FAM222A: variants seen among roughly 807,000 people sequenced by gnomAD.
FAM222A encodes the protein family with sequence similarity 222 member A.
In FAM222A, 7 loss-of-function variants were observed where a neutral mutation model predicts 25.8. The observed-to-expected ratio is 0.27, with a 90% confidence interval of 0.15 to 0.51. The LOEUF (loss-of-function observed/expected upper bound fraction) is 0.51. Among genes scored for constraint, FAM222A ranks in the 20% least tolerant of loss-of-function variants. FAM222A has a pLI of 0.97. For missense variants in FAM222A, 573 were observed against 640.5 expected (o/e 0.89, Z 1.14); for synonymous variants, 294 against 298.8 (o/e 0.98, Z 0.17).
intron 2 of FAM222A, among the ~76,000 whole-genome samples, chr12:109,747,178 C>T (rs1206224852): frequency 6.6e-6 from 1 of 152,218 alleles, no homozygotes; most frequent in African/African-American, 2.4e-5. Flanking sequence ...ACTGAAGCCT[C>T]CGCCTCCCAG....
At position 109,744,751 on chromosome 12, in the gene FAM222A, G is replaced by A. The variant is rs1355487368; in HGVS notation, c.82+523G>A. 3.0e-6 allele frequency: 3 copies of A among 985,292 alleles called. No homozygotes were observed. The South Asian group carries it at 1.4e-4, about 46-fold the overall frequency. 61.0% of individuals were successfully genotyped at this position (985,292 alleles called of 1,614,324 possible). A position where few individuals can be genotyped will look rare whatever the true frequency, so the allele number is the denominator to read the frequency against. ...AAACGCTCTGATTTGGTTATTTTTAGCTATCATAATTTCTTTTTTAATGAA... is the reference window on the plus strand; with the variant it reads ...AAACGCTCTGATTTGGTTATTTTTAACTATCATAATTTCTTTTTTAATGAA... On this transcript the variant is annotated intron_variant, in intron 2 of 2. Coordinates refer to ENST00000538780, the MANE Select transcript of FAM222A (RefSeq NM_032829.3).
At chr12:109,748,456 T>C (rs141091926) in intron 2 of FAM222A, among the ~76,000 whole-genome samples, 79 of 152,028 alleles carry the variant, frequency 5.2e-4, no homozygotes, top group African/African-American at 1.8e-3. Flanking sequence ...CATGGAATTA[T>C]CTGTTCTTAA....
intron 1 of FAM222A, among the ~76,000 whole-genome samples, chr12:109,726,646 A>G (rs528876676): frequency 4.6e-5 from 7 of 152,342 alleles, no homozygotes; most frequent in Admixed American, 4.6e-4. Context: ...AGGGGGGCTC[A>G]GGCCTGGCTT....
chr12:109,732,374 T>C (rs568384044), intron 1 of FAM222A, among the ~76,000 whole-genome samples: 3 of 152,374 alleles, frequency 2.0e-5, no homozygotes, highest in East Asian at 3.9e-4. Context: ...GCCCAGGTGC[T>C]GTGCATTTGG....
intron 1 of FAM222A, among the ~76,000 whole-genome samples, chr12:109,729,573 GA>G (rs1291738608): frequency 1.3e-5 from 2 of 151,996 alleles, no homozygotes; most frequent in Non-Finnish European, 1.5e-5. Context: ...TCCTGCAAGG[GA>G]AAAAAAACAC....
At chr12:109,765,741 T>A (rs1889030908) in intron 2 of FAM222A, among the ~76,000 whole-genome samples, 1 of 152,192 alleles carries the variant, frequency 6.6e-6, no homozygotes, top group Non-Finnish European at 1.5e-5. Context: ...AGCCTTCTGA[T>A]CAGTGGGGAG....
chr12:109,750,753 A>G (rs142877609), intron 2 of FAM222A, among the ~76,000 whole-genome samples: 5 of 150,534 alleles, frequency 3.3e-5, no homozygotes, highest in African/African-American at 7.3e-5. Flanking sequence ...CGGTCTCTCT[A>G]TTGCCTTTCT....
chr12:109,744,182 GGGCCAACACCT>G lies in FAM222A; in HGVS notation c.41_51del (p.Gln14LeufsTer66). ...GTCTGCAGAGGACCCAGAACGCCCCGGGCCAACACCTGGCCTGCCCGAGCAAGAGCCTGGAG... is the reference window on the plus strand; with the variant it reads ...GTCTGCAGAGGACCCAGAACGCCCCGGGCCTGCCCGAGCAAGAGCCTGGAG... On this transcript the variant is annotated frameshift_variant, in exon 2 of 3. Transcript: ENST00000538780. LOFTEE classifies it high-confidence loss of function. 6.2e-7 allele frequency: 1 copy of G among 1,613,424 alleles called. No homozygotes were observed. The highest frequency in any genetic ancestry group is 8.5e-7 in the Non-Finnish European group (1 of 1,179,990).
chr12:109,718,357 G>T (rs1298341561), intron 1 of FAM222A, among the ~76,000 whole-genome samples: 1 of 150,050 alleles, frequency 6.7e-6, no homozygotes, highest in Non-Finnish European at 1.5e-5. Flanking sequence ...TTCTGCGGGG[G>T]CTGGGACTTG....
At chr12:109,727,905 G>C (rs770514445) in intron 1 of FAM222A, among the ~76,000 whole-genome samples, 4 of 152,170 alleles carry the variant, frequency 2.6e-5, no homozygotes, top group Non-Finnish European at 5.9e-5. Flanking sequence ...TCCCTCAATC[G>C]TGGCGGGACT....
chr12:109,753,564 G>T (rs868339396), intron 2 of FAM222A, among the ~76,000 whole-genome samples: 31 of 152,208 alleles, frequency 2.0e-4, no homozygotes, highest in East Asian at 7.7e-4. Context: ...CATCCCGGGG[G>T]GGGGAGCCTC....
Position 109,721,732 on chromosome 12 carries a change from C to G in FAM222A, c.-47+6835C>G, listed in dbSNP as rs960957462. Among the ~76,000 whole-genome samples the G allele has an allele frequency of 3.3e-5, 5 of 152,278 alleles. No individual in the cohort carries two copies. The East Asian group carries it at 5.8e-4, about 18-fold the overall frequency. ...CTTTTAGGTGGGAGGGTCTGTTACC[C>G]TCTTCTAACTCCCACTTGTGTTCAT... On this transcript the variant is annotated intron_variant, in intron 1 of 2. Transcript: ENST00000538780.
intron 2 of FAM222A, among the ~76,000 whole-genome samples, chr12:109,764,222 C>CAAAAA (rs59140628): frequency 9.8e-5 from 9 of 91,752 alleles, no homozygotes; most frequent in Admixed American, 2.6e-4. Context: ...ACCCTGTCTT[C>CAAAAA]AAAAAAAAAA....
At chr12:109,743,369 A>G (rs1463663150) in intron 1 of FAM222A, among the ~76,000 whole-genome samples, 1 of 152,196 alleles carries the variant, frequency 6.6e-6, no homozygotes, top group Non-Finnish European at 1.5e-5. Flanking sequence ...TGGGGAAGGT[A>G]CCACACGGGC....
intron 1 of FAM222A, among the ~76,000 whole-genome samples, chr12:109,736,213 C>T (rs1468354253): frequency 6.6e-6 from 1 of 152,230 alleles, no homozygotes; most frequent in Non-Finnish European, 1.5e-5. Flanking sequence ...TCTCTGTTTG[C>T]TCCTCTCTCT....
chr12:109,744,328 C>G lies in FAM222A; in HGVS notation c.82+100C>G. 2.7e-6 allele frequency: 4 copies of G among 1,471,606 alleles called. No individual in the cohort carries two copies. The South Asian group carries it at 4.0e-5, about 15-fold the overall frequency. 91.2% of individuals were successfully genotyped at this position (1,471,606 alleles called of 1,614,324 possible). On this transcript the variant is annotated intron_variant, in intron 2 of 2. Coordinates refer to ENST00000538780, the MANE Select transcript of FAM222A (RefSeq NM_032829.3). ...ACCTACCATGGCCCTGTCGGAAAGT[C>G]TCTATGCTCTCTTAGGCCCCCAGGC...
chr12:109,727,581 CA>C (rs1401023141), intron 1 of FAM222A, among the ~76,000 whole-genome samples: 2 of 152,188 alleles, frequency 1.3e-5, no homozygotes, highest in Admixed American at 6.5e-5. Context: ...ACCCTTCAGG[CA>C]AGGGGCGGTA....
rs933468147 is a variant in FAM222A at position 109,742,753 on chromosome 12, T to C, written c.-46-1348T>C. ...ATAATGAAAGGTGGTTACGCGATTG[T>C]CTTTCATTTACCGAGAGGCCAGGAC... is the stretch of plus-strand genomic sequence containing the variant. On this transcript the variant is annotated intron_variant, in intron 1 of 2. Coordinates refer to ENST00000538780, the MANE Select transcript of FAM222A (RefSeq NM_032829.3). Among the ~76,000 whole-genome samples the C allele has an allele frequency of 3.3e-5, 5 of 152,306 alleles. No individual in the cohort carries two copies. The East Asian group carries it at 9.6e-4, about 29-fold the overall frequency.
Position 109,769,050 on chromosome 12 carries a change from CG to C in FAM222A, c.1126del (p.Ala376GlnfsTer27). On this transcript the variant is annotated frameshift_variant, in exon 3 of 3. Coordinates refer to ENST00000538780, the MANE Select transcript of FAM222A (RefSeq NM_032829.3). LOFTEE classifies it high-confidence loss of function. ...AAAVVVTELG[P>X]GAARELAGPP... ...GCGGTGGTGGTCACGGAGCTGGGGC[CG>C]GGGGCAGCCCGGGAGCTGGCTGGGC... 6.3e-7 allele frequency: 1 copy of C among 1,588,388 alleles called. No individual in the cohort carries two copies.
Sources: allele counts gnomAD v4.1 joint callset (sites outside exome capture counted in the v4.1 genomes callset), GRCh38; gene constraint gnomAD v4.1.1; transcripts MANE v1.5; gene names NCBI Gene and HGNC (gene_info 2026-07-23, HGNC 2026-07-21).